Variants in SLC12A7 observed in about 807,000 individuals in gnomAD.
SLC12A7 encodes the protein K-Cl cotransporter 4.
In SLC12A7, 100 loss-of-function variants were observed where a neutral mutation model predicts 120.6. The observed-to-expected ratio is 0.83, with a 90% confidence interval of 0.71 to 0.98. The LOEUF (loss-of-function observed/expected upper bound fraction) is 0.98. Among genes scored for constraint, SLC12A7 ranks in the 50% least tolerant of loss-of-function variants. The pLI, the probability that SLC12A7 is intolerant of heterozygous loss-of-function variation, is 0.00. For synonymous variants in SLC12A7, 760 were observed against 678.0 expected, an observed-to-expected ratio of 1.12 and a Z score of -1.88; for missense variants, 1,373 against 1,548.1, an observed-to-expected ratio of 0.89 and a Z score of 1.90.
At position 1,057,548 on chromosome 5, in the gene SLC12A7, C is replaced by T. The variant is rs916660024; in HGVS notation, c.2949G>A (p.Arg983=). 20 of 1,613,152 alleles carry T rather than the reference C, an allele frequency of 1.2e-5. No homozygotes were observed. Among genetic ancestry groups the T allele is most frequent in the Non-Finnish European group, 1.5e-5 (18 of 1,179,978 alleles). ...TGTACTTCTCAGCGATCAGCTTCTC[C>T]CTGGTCCAGGTCATCTGCACCTTGT... ...TPDKVQMTWT[R]EKLIAEKYRS... Residue 983 remains arginine (R), a synonymous_variant, in exon 22 of 24, where the codon AGG becomes AGA. Coordinates refer to ENST00000264930, the MANE Select transcript of SLC12A7 (RefSeq NM_006598.3).
chr5:1,105,271 C>A (rs1742417623), intron 1 of SLC12A7, among the ~76,000 whole-genome samples: 2 of 146,372 alleles, frequency 1.4e-5, no homozygotes, highest in South Asian at 4.4e-4. Flanking sequence ...ACCCTCCCCG[C>A]AGGGGTTAGG....
the SLC12A7 span, among the ~76,000 whole-genome samples, chr5:1,137,151 C>A: frequency 6.6e-6 from 1 of 152,130 alleles, no homozygotes; most frequent in South Asian, 2.1e-4. Flanking sequence ...GCTGCAGTCC[C>A]GGGTTTTCAC....
the SLC12A7 span, among the ~76,000 whole-genome samples, chr5:1,141,615 G>A: frequency 6.6e-6 from 1 of 152,240 alleles, no homozygotes; most frequent in Non-Finnish European, 1.5e-5. Flanking sequence ...CAGCCACTAA[G>A]CTTGTGTGGT....
At chr5:1,073,583 T>A (rs1202563688) in intron 17 of SLC12A7, 50 bp downstream of exon 17, 2 of 1,551,960 alleles carry the variant, frequency 1.3e-6, no homozygotes. Flanking sequence ...ACGTTTCCTG[T>A]GCAGCTGGGG....
At chr5:1,085,783 G>A (rs956909527) in intron 6 of SLC12A7, among the ~76,000 whole-genome samples, 4 of 152,196 alleles carry the variant, frequency 2.6e-5, no homozygotes, top group African/African-American at 9.7e-5. Context: ...AACCACCCGG[G>A]AGCCTTAGAG....
intron 18 of SLC12A7, among the ~76,000 whole-genome samples, chr5:1,064,936 T>TGGTGAGGGGACAGG (rs1736839938): frequency 7.2e-5 from 1 of 13,984 alleles, no homozygotes; most frequent in Non-Finnish European, 1.4e-4. Flanking sequence ...GAGGGGACAG[T>TGGTGAGGGGACAGG]GAGGGGACGG....
At chr5:1,075,948 G>A (rs1738279471) in intron 14 of SLC12A7, 190 bp downstream of exon 14, 1 of 583,244 alleles carries the variant, frequency 1.7e-6, no homozygotes, top group Admixed American at 3.1e-5. Flanking sequence ...GCTGCGCAGG[G>A]GCTTACTCCG....
intron 22 of SLC12A7, among the ~76,000 whole-genome samples, chr5:1,056,129 CCA>C (rs1561026579): frequency 1.3e-5 from 2 of 152,194 alleles, no homozygotes; most frequent in Non-Finnish European, 2.9e-5. Context: ...GAGGGTCCGA[CCA>C]CACAGAGAAC....
rs1739663112 is a variant in SLC12A7 at position 1,085,053 on chromosome 5, C to A, written c.917+179G>T. ...GCCACGAGGGTACCTCGGCCCACCT[C>A]ACCGTTGGGTTTCCTGTAATCCCCA... On this transcript the variant is annotated intron_variant, in intron 7 of 23. Coordinates refer to ENST00000264930, the MANE Select transcript of SLC12A7 (RefSeq NM_006598.3). Among the ~76,000 whole-genome samples, 7 of 152,258 alleles carry A rather than the reference C, an allele frequency of 4.6e-5. No homozygotes were observed. The South Asian group carries it at 1.2e-3, about 27-fold the overall frequency.
At chr5:1,068,611 G>A (rs1737300362) in intron 17 of SLC12A7, among the ~76,000 whole-genome samples, 1 of 152,254 alleles carries the variant, frequency 6.6e-6, no homozygotes, top group Non-Finnish European at 1.5e-5. Context: ...AACCAATGCA[G>A]CTAAGTCACA....
At chr5:1,124,099 C>T in the SLC12A7 span, among the ~76,000 whole-genome samples, 5 of 152,172 alleles carry the variant, frequency 3.3e-5, no homozygotes, top group Admixed American at 6.5e-5. Flanking sequence ...AGGACAGCAA[C>T]CTCCATGGAC....
intron 22 of SLC12A7, among the ~76,000 whole-genome samples, chr5:1,056,141 C>T (rs1468913772): frequency 6.6e-6 from 1 of 152,208 alleles, no homozygotes; most frequent in East Asian, 1.9e-4. Context: ...ACACAGAGAA[C>T]TGATCTGCAC....
the SLC12A7 span, among the ~76,000 whole-genome samples, chr5:1,146,246 G>A: frequency 6.6e-6 from 1 of 152,196 alleles, no homozygotes; most frequent in African/African-American, 2.4e-5. This position sits in a 1 kb window ranked among gnomAD's most constrained non-coding sequence, Gnocchi z 6.5. Context: ...CCAGGTCTGT[G>A]ATGAGACCTC....
At chr5:1,077,052 C>T (rs1738432049) in intron 12 of SLC12A7, among the ~76,000 whole-genome samples, 2 of 59,530 alleles carry the variant, frequency 3.4e-5, no homozygotes, top group Admixed American at 6.1e-4. Flanking sequence ...TGTGTGGCCC[C>T]AGCCTGCCCC....
At chr5:1,060,985 C>CGGAACATCCACAGTGTGGG (rs1561034377) in intron 20 of SLC12A7, among the ~76,000 whole-genome samples, 79 of 151,430 alleles carry the variant, frequency 5.2e-4, no homozygotes, top group African/African-American at 1.8e-3. Flanking sequence ...GCGTCTCACC[C>CGGAACATCCACAGTGTGGG]ACTGCACCTG....
the SLC12A7 span, among the ~76,000 whole-genome samples, chr5:1,136,978 ACAC>A: frequency 2.8e-5 from 4 of 144,480 alleles, no homozygotes; most frequent in East Asian, 2.0e-4. Context: ...ATGTACTCAC[ACAC>A]CACCAGGACA....
At chr5:1,133,855 G>A in the SLC12A7 span, among the ~76,000 whole-genome samples, 1 of 152,108 alleles carries the variant, frequency 6.6e-6, no homozygotes, top group Non-Finnish European at 1.5e-5. Context: ...CTGACCAACC[G>A]AGGCAGCAAC....
At chr5:1,077,778 G>C in intron 12 of SLC12A7, 55 bp downstream of exon 12, 20 of 1,483,066 alleles carry the variant, frequency 1.3e-5, no homozygotes, top group Non-Finnish European at 1.8e-5. Context: ...CGCAGGGGAG[G>C]AGAGCCCCCG....
the SLC12A7 span, among the ~76,000 whole-genome samples, chr5:1,154,390 C>CACAG: frequency 1.1e-3 from 166 of 151,278 alleles, 1 homozygote; most frequent in Middle Eastern, 3.5e-3. Flanking sequence ...CACACACACA[C>CACAG]AGAGACACAT....
Sources: gnomAD v4.1 joint callset for allele counts (sites outside exome capture counted in the v4.1 genomes callset) on GRCh38, gnomAD v4.1.1 for gene constraint, Gnocchi (gnomAD v3.1) non-coding constraint, MANE v1.5 for transcripts, NCBI Gene and HGNC (gene_info 2026-07-23, HGNC 2026-07-21) for gene names.